Variants in MAST4 observed in about 807,000 individuals in gnomAD.
MAST4 encodes the protein microtubule associated serine/threonine kinase family member 4.
In MAST4, 89 loss-of-function variants were observed where a neutral mutation model predicts 162.7. The observed-to-expected ratio is 0.55, with a 90% CI of 0.46 to 0.65. The LOEUF is 0.65. MAST4 is among the 30% of genes least tolerant of loss of function. MAST4 has a pLI of 0.00. For synonymous variants in MAST4, 1,479 were observed against 1,361.1 expected, an observed-to-expected ratio of 1.09 and a Z score of -1.91; for missense variants, 3,153 against 3,374.0, an observed-to-expected ratio of 0.93 and a Z score of 1.62.
intron 1 of MAST4, among the ~76,000 whole-genome samples, chr5:66,648,478 A>C (rs1302807362): frequency 6.6e-6 from 1 of 152,148 alleles, no homozygotes; most frequent in Non-Finnish European, 1.5e-5. Context: ...TGTATATTTA[A>C]CGGTAGCAGA....
chr5:66,665,771 G>C (rs1747216074), intron 1 of MAST4, among the ~76,000 whole-genome samples: 3 of 152,192 alleles, frequency 2.0e-5, no homozygotes, highest in Non-Finnish European at 4.4e-5. Context: ...CTGAGTCTCA[G>C]TTTCCTCACT....
At chr5:66,857,093 C>T (rs894274102) in intron 3 of MAST4, among the ~76,000 whole-genome samples, 1 of 152,172 alleles carries the variant, frequency 6.6e-6, no homozygotes, top group African/African-American at 2.4e-5. Context: ...GCCCTCCCTC[C>T]CAGAAGCAAA....
intron 4 of MAST4, among the ~76,000 whole-genome samples, chr5:67,053,120 T>A (rs1043716754): frequency 3.9e-5 from 6 of 152,196 alleles, no homozygotes; most frequent in African/African-American, 1.2e-4. Flanking sequence ...AACTCACAGA[T>A]AATACTAGGG....
chr5:66,660,864 G>C (rs888077245), intron 1 of MAST4, among the ~76,000 whole-genome samples: 2 of 152,166 alleles, frequency 1.3e-5, no homozygotes, highest in Non-Finnish European at 2.9e-5. Context: ...CCCAACTCCT[G>C]TGTGAATTTC....
chr5:66,611,096 A>AT (rs964104982), intron 1 of MAST4, among the ~76,000 whole-genome samples: 4 of 151,948 alleles, frequency 2.6e-5, no homozygotes, highest in Admixed American at 1.3e-4. Flanking sequence ...TGTCCATAAC[A>AT]TTTTTTTTCT....
chr5:67,025,815 G>A (rs1466693822), intron 4 of MAST4, among the ~76,000 whole-genome samples: 1 of 152,206 alleles, frequency 6.6e-6, no homozygotes, highest in Non-Finnish European at 1.5e-5. Context: ...CACATCATGT[G>A]CCTCTGGAGG....
intron 2 of MAST4, 106 bp downstream of exon 2, chr5:66,759,968 C>T: frequency 9.1e-7 from 1 of 1,104,722 alleles, no homozygotes; most frequent in South Asian, 2.7e-5. Context: ...ATGGGCCTGC[C>T]TCTGCAGACC....
At position 67,131,772 on chromosome 5, in the gene MAST4, C is replaced by G. The variant is rs749828261; in HGVS notation, c.1955-41C>G. ...GTCTAAACTGATTTTCTACATTAAG[C>G]CTTCATCCTATAGCTACTAACTCTT... On this transcript the variant is annotated intron_variant, in intron 15 of 28. Coordinates refer to ENST00000403625, the MANE Select transcript of MAST4 (RefSeq NM_001164664.2). 5 of 1,603,260 alleles carry G rather than the reference C, an allele frequency of 3.1e-6. No homozygotes were observed. In the African/African-American group the frequency reaches 5.4e-5, roughly 17 times the overall value.
intron 1 of MAST4, among the ~76,000 whole-genome samples, chr5:66,599,192 G>C (rs1273554416): frequency 6.6e-6 from 1 of 152,124 alleles, no homozygotes; most frequent in African/African-American, 2.4e-5. Context: ...TTTGTGAAAG[G>C]GGTTGAAGTC....
chr5:66,599,145 G>GT (rs996345968), intron 1 of MAST4, among the ~76,000 whole-genome samples: 13 of 152,304 alleles, frequency 8.5e-5, no homozygotes, highest in Middle Eastern at 3.4e-3. Context: ...AAACCATGTA[G>GT]TTTTTTCCCC....
chr5:66,903,634 C>T lies in MAST4; in HGVS notation c.674+3652C>T, dbSNP rs926208455. Among the ~76,000 whole-genome samples, 5 of 152,064 alleles carry T rather than the reference C, an allele frequency of 3.3e-5. No homozygotes were observed. In the East Asian group the frequency reaches 9.7e-4, roughly 29 times the overall value. On this transcript the variant is annotated intron_variant, in intron 4 of 28. Coordinates refer to ENST00000403625, the MANE Select transcript of MAST4 (RefSeq NM_001164664.2). ...TCTTGAAATGTTTTAGTATATACTA[C>T]CTCAAGCCAGGGGATGAAGCAAAGG...
At chr5:67,137,114 A>T (rs1217424045) in intron 19 of MAST4, among the ~76,000 whole-genome samples, 1 of 152,210 alleles carries the variant, frequency 6.6e-6, no homozygotes. Context: ...AAGCTTTGAA[A>T]TGGGTTATCA....
At chr5:66,979,786 C>T (rs2150232352) in intron 4 of MAST4, among the ~76,000 whole-genome samples, 1 of 152,330 alleles carries the variant, frequency 6.6e-6, no homozygotes, top group East Asian at 1.9e-4. Context: ...TGTCATTGAA[C>T]TTTGTGAGAA....
chr5:66,732,880 G>A (rs575724160), intron 1 of MAST4, among the ~76,000 whole-genome samples: 1 of 152,194 alleles, frequency 6.6e-6, no homozygotes, highest in Non-Finnish European at 1.5e-5. Context: ...TTAGTATTTC[G>A]CCATTCGGTC....
intron 7 of MAST4, among the ~76,000 whole-genome samples, chr5:67,096,286 A>T (rs1764461594): frequency 6.6e-6 from 1 of 152,212 alleles, no homozygotes; most frequent in African/African-American, 2.4e-5. Context: ...CAAGAGACCT[A>T]GCAATTACTG....
chr5:66,896,478 CAAAG>C (rs908467909), intron 3 of MAST4, among the ~76,000 whole-genome samples: 1 of 152,150 alleles, frequency 6.6e-6, no homozygotes, highest in Non-Finnish European at 1.5e-5. Context: ...AGCCCACTCT[CAAAG>C]AGAGGAGATT....
chr5:66,839,469 AT>A (rs1182297363), intron 3 of MAST4, among the ~76,000 whole-genome samples: 1 of 152,244 alleles, frequency 6.6e-6, no homozygotes, highest in Non-Finnish European at 1.5e-5. Context: ...GAATTGTACC[AT>A]AATGTGTATT....
intron 1 of MAST4, among the ~76,000 whole-genome samples, chr5:66,628,477 C>T (rs145844518): frequency 9.6e-4 from 145 of 151,796 alleles, no homozygotes; most frequent in South Asian, 1.7e-3. Context: ...TTTCATCTAA[C>T]GCACTCAGGC....
At position 66,607,618 on chromosome 5, in the gene MAST4, G is replaced by A. The variant is rs376657195; in HGVS notation, c.363+10600G>A. On this transcript the variant is annotated intron_variant, in intron 1 of 28. Transcript: ENST00000403625. ...TTCTCAGGGTAATGCTGCTGTGAGT[G>A]GAAATGGATTGCAGGAATTTGGTCA... Among the ~76,000 whole-genome samples, 14 of 152,320 alleles carry A rather than the reference G, an allele frequency of 9.2e-5. No individual in the cohort carries two copies. In the East Asian group the frequency reaches 9.6e-4, roughly 10 times the overall value.
Sources: allele counts gnomAD v4.1 joint callset (sites outside exome capture counted in the v4.1 genomes callset), GRCh38; gene constraint gnomAD v4.1.1; transcripts MANE v1.5; gene names NCBI Gene and HGNC (gene_info 2026-07-23, HGNC 2026-07-21).